PCGF3: variants seen among roughly 807,000 people sequenced by gnomAD.
PCGF3 encodes polycomb group RING finger protein 3.
A neutral mutation model predicts 33.1 loss-of-function variants in PCGF3; 7 were observed. That is an observed-to-expected ratio of 0.21 (90% CI 0.12 to 0.40). The LOEUF (loss-of-function observed/expected upper bound fraction) is 0.40. Among genes scored for constraint, PCGF3 ranks in the 10% least tolerant of loss-of-function variants. The pLI is 1.00. For synonymous variants in PCGF3, 153 were observed against 121.3 expected (o/e 1.26, Z -1.72); for missense variants, 211 against 313.3 (o/e 0.67, Z 2.46).
intron 3 of PCGF3, chr4:731,396 G>C: frequency 2.6e-6 from 1 of 384,006 alleles, no homozygotes. Flanking sequence ...GTGCTGCTTG[G>C]GGGCCGAGCC....
chr4:713,220 C>T (rs1451366570), intron 1 of PCGF3, among the ~76,000 whole-genome samples: 3 of 130,882 alleles, frequency 2.3e-5, no homozygotes, highest in Non-Finnish European at 4.9e-5. Flanking sequence ...GGGGCTGTGG[C>T]CTTGTGGGTC....
chr4:753,905 C>T (rs974749182), intron 8 of PCGF3, among the ~76,000 whole-genome samples: 1 of 152,220 alleles, frequency 6.6e-6, no homozygotes, highest in Non-Finnish European at 1.5e-5. Context: ...TGCACTCCAG[C>T]CTGGGTAACA....
In PCGF3 at chr4:734,353, C is replaced by T. The variant is rs999612064; in HGVS notation, c.109+564C>T. On this transcript the variant is annotated intron_variant, in intron 4 of 10. Transcript: ENST00000362003. ...TGCTGGTGTGGACGACCGCTGTGTG[C>T]GTCTCTTGATGGCTGGGGAGCATTT... The T allele has an allele frequency of 8.4e-5, 120 of 1,423,804 alleles. 1 individual carries two copies. In the South Asian group the frequency reaches 1.8e-3, roughly 21 times the overall value. 88.2% of individuals were successfully genotyped at this position (1,423,804 alleles called of 1,614,324 possible).
chr4:736,765 A>G (rs865905905), intron 5 of PCGF3, among the ~76,000 whole-genome samples: 145 of 91,028 alleles, frequency 1.6e-3, no homozygotes, highest in Middle Eastern at 7.9e-3. Flanking sequence ...GTCCGCAGGG[A>G]CGGTGTCCCC....
intron 9 of PCGF3, chr4:762,200 A>G (rs1745098904): frequency 1.7e-6 from 1 of 599,808 alleles, no homozygotes; most frequent in Middle Eastern, 8.4e-4. Flanking sequence ...GATATAATTA[A>G]ATAAAGGATT....
At chr4:738,382 A>G (rs1415577327) in intron 6 of PCGF3, among the ~76,000 whole-genome samples, 1 of 152,234 alleles carries the variant, frequency 6.6e-6, no homozygotes, top group East Asian at 1.9e-4. Flanking sequence ...GATAGAAACA[A>G]TTAGTCTTTT....
At chr4:705,917 C>G (rs372149265) in exon 1 of PCGF3, 14 of 152,332 alleles carry the variant, frequency 9.2e-5, no homozygotes, top group East Asian at 7.7e-4. Flanking sequence ...CCCCCTCCCC[C>G]CTCCGGCGCG....
chr4:733,439 T>C (rs1743701394), intron 3 of PCGF3, among the ~76,000 whole-genome samples: 1 of 152,140 alleles, frequency 6.6e-6, no homozygotes, highest in Non-Finnish European at 1.5e-5. Context: ...GAGAAGCCAG[T>C]GCGGGGGAGC....
At chr4:738,473 A>G (rs4690296) in intron 6 of PCGF3, among the ~76,000 whole-genome samples, 11,839 of 152,272 alleles carry the variant, frequency 0.078, 509 homozygotes, top group South Asian at 0.14. Context: ...AAACGTTTGC[A>G]CCGAGTGTTT....
chr4:761,790 G>A, intron 9 of PCGF3: 2 of 985,426 alleles, frequency 2.0e-6, no homozygotes, highest in Non-Finnish European at 1.2e-6. Context: ...GTAAGGAGAC[G>A]AAGGAGTGCT....
intron 10 of PCGF3, 84 bp downstream of exon 10, chr4:765,148 C>A: frequency 2.0e-6 from 2 of 981,012 alleles, no homozygotes; most frequent in Non-Finnish European, 1.6e-6. Flanking sequence ...TGTTAAATGA[C>A]TCCAGCTGGG....
At chr4:723,466 C>T (rs1743200216) in intron 1 of PCGF3, among the ~76,000 whole-genome samples, 1 of 152,002 alleles carries the variant, frequency 6.6e-6, no homozygotes. Flanking sequence ...GCAGGGCAGA[C>T]CAGAGGAGGG....
chr4:726,463 GA>G (rs1407622557), intron 1 of PCGF3, among the ~76,000 whole-genome samples: 1 of 152,348 alleles, frequency 6.6e-6, no homozygotes, highest in African/African-American at 2.4e-5. Context: ...TGTGGCCCTG[GA>G]GGCACTGCCG....
chr4:763,172 C>T (rs1048280818), intron 9 of PCGF3, among the ~76,000 whole-genome samples: 1 of 152,168 alleles, frequency 6.6e-6, no homozygotes, highest in African/African-American at 2.4e-5. Flanking sequence ...TGGGGCAACG[C>T]TTTTTGCTAA....
intron 9 of PCGF3, among the ~76,000 whole-genome samples, chr4:764,070 C>T (rs1405032398): frequency 6.6e-6 from 1 of 152,108 alleles, no homozygotes; most frequent in Admixed American, 6.5e-5. Context: ...GGGCACAGGG[C>T]TCCTGGGCGG....
Position 758,588 on chromosome 4 carries a change from C to G in PCGF3, c.463-2691C>G, listed in dbSNP as rs1356025038. Among the ~76,000 whole-genome samples the G allele has an allele frequency of 2.1e-5, 3 of 141,026 alleles. 1 individual carries two copies. Among genetic ancestry groups the G allele is most frequent in the African/African-American group, 8.1e-5 (3 of 37,138 alleles). The allele number at this position is 141,026 out of a possible 152,430, so 92.5% of individuals were successfully genotyped here. A position where few individuals can be genotyped will look rare whatever the true frequency, so the allele number is the denominator to read the frequency against. ...GGTCTTTCCCCGCACGGCCCCTCCC[C>G]CGAGTTCTTCTCCATCCCGACTCCA... On this transcript the variant is annotated intron_variant, in intron 8 of 10. Coordinates refer to ENST00000362003, the Ensembl canonical transcript of PCGF3.
chr4:721,623 G>A lies in PCGF3; in HGVS notation c.-189-9007G>A, dbSNP rs1743080124. On this transcript the variant is annotated intron_variant, in intron 1 of 10. Coordinates refer to ENST00000362003, the Ensembl canonical transcript of PCGF3. The surrounding 1 kb of genome is among the most constrained non-coding windows in gnomAD (Gnocchi z 4.1). The stretch of plus-strand genomic sequence containing the variant: ...CACAGGACAGAGAAGCTCCTGGTGA[G>A]CGGGGCTGCTGAACGCAGGCCCCAG... 6.6e-6 allele frequency among the ~76,000 whole-genome samples: 1 copy of A among 152,198 alleles called. No individual in the cohort carries two copies. Among genetic ancestry groups the A allele is most frequent in the African/African-American group, 2.4e-5 (1 of 41,454 alleles).
intron 9 of PCGF3, among the ~76,000 whole-genome samples, chr4:763,149 G>A (rs1322706469): frequency 1.3e-5 from 2 of 152,190 alleles, no homozygotes; most frequent in African/African-American, 4.8e-5. Flanking sequence ...CGGGGGGAAG[G>A]GAGAGAAGGA....
intron 10 of PCGF3, 84 bp downstream of exon 10, chr4:765,148 C>T (rs567770662): frequency 4.2e-5 from 41 of 980,898 alleles, no homozygotes; most frequent in African/African-American, 3.3e-4. Context: ...TGTTAAATGA[C>T]TCCAGCTGGG....
Sources: allele counts gnomAD v4.1 joint callset (sites outside exome capture counted in the v4.1 genomes callset), GRCh38; gene constraint gnomAD v4.1.1; non-coding constraint Gnocchi (gnomAD v3.1); transcripts MANE v1.5; gene names NCBI Gene and HGNC (gene_info 2026-07-23, HGNC 2026-07-21).